The following CFAP47 variants were observed in gnomAD, a reference collection of about 807,000 sequenced individuals.
CFAP47 encodes the protein cilia and flagella associated protein 47.
Under a neutral mutation model 148.1 loss-of-function variants are expected in CFAP47, and 29 were observed. The observed-to-expected ratio is 0.20, with a 90% CI of 0.15 to 0.27. The LOEUF (loss-of-function observed/expected upper bound fraction) is 0.27, where lower values mean the gene tolerates loss of function less well. CFAP47 is among the 10% of genes least tolerant of loss of function. The pLI, the probability that CFAP47 is intolerant of heterozygous loss-of-function variation, is 1.00. For missense variants in CFAP47, 1,872 were observed against 1,697.5 expected (o/e 1.10, Z -1.81); for synonymous variants, 664 against 577.3 (o/e 1.15, Z -2.15).
At chrX:35,976,139 G>A (rs1273698315) in intron 15 of CFAP47, among the ~76,000 whole-genome samples, 1 of 110,475 alleles carries the variant, frequency 9.1e-6, no homozygotes, top group Non-Finnish European at 1.9e-5. Context: ...GAGAGAGAGA[G>A]ACAGAGAGAG....
intron 20 of CFAP47, among the ~76,000 whole-genome samples, chrX:36,001,157 C>A (rs67441190): frequency 0.25 from 27,968 of 110,657 alleles, 4,830 homozygotes; most frequent in African/African-American, 0.61. Flanking sequence ...TGAGTCCATA[C>A]AAATAAGTAA....
chrX:36,041,690 G>A (rs982872420), intron 25 of CFAP47, among the ~76,000 whole-genome samples: 4 of 110,635 alleles, frequency 3.6e-5, no homozygotes, highest in African/African-American at 9.9e-5. Flanking sequence ...TTGGGAGGCC[G>A]AGGCGGGCGG....
intron 33 of CFAP47, among the ~76,000 whole-genome samples, chrX:36,122,272 G>A (rs1241489210): frequency 1.8e-5 from 2 of 110,788 alleles, no homozygotes; most frequent in African/African-American, 6.6e-5. Flanking sequence ...AAATTGCTGG[G>A]GGTAGTCTTC....
chrX:35,966,717 A>G lies in CFAP47; in HGVS notation c.1563A>G (p.Lys521=), dbSNP rs767895858. The change falls in exon 9 of 64, where the codon AAA becomes AAG. Residue 521 remains lysine, a synonymous_variant. Coordinates refer to ENST00000378653, the MANE Select transcript of CFAP47 (RefSeq NM_001304548.2). Reference sequence around the variant, plus strand: ...ATTTAGCTTTCAACAGCATCTGTAAAGCTTCCACCAAGAAAGTTGTGATGA... The same window carrying G: ...ATTTAGCTTTCAACAGCATCTGTAAGGCTTCCACCAAGAAAGTTGTGATGA... ...HVYLAFNSIC[K]ASTKKVVMKF... The G allele has an allele frequency of 1.5e-5, 17 of 1,153,580 alleles. No homozygotes were observed. The highest frequency in any genetic ancestry group is 1.6e-5 in the Non-Finnish European group (14 of 864,812).
Position 36,019,795 on chromosome X carries a change from C to A in CFAP47, c.3556+4883C>A, listed in dbSNP as rs377363599. Among the ~76,000 whole-genome samples, 11 of 111,570 alleles carry A rather than the reference C, an allele frequency of 9.9e-5. No individual in the cohort carries two copies. The South Asian group carries it at 4.1e-3, about 42-fold the overall frequency. ...AGTTGTAATAAGCCTTTTTAAAAATCTCTGATTTTATTTATTTGGATCTTC... is the reference window on the plus strand; with the variant it reads ...AGTTGTAATAAGCCTTTTTAAAAATATCTGATTTTATTTATTTGGATCTTC... On this transcript the variant is annotated intron_variant, in intron 22 of 63. Transcript: ENST00000378653.
intron 51 of CFAP47, among the ~76,000 whole-genome samples, chrX:36,297,976 C>T (rs782635532): frequency 1.8e-5 from 2 of 109,617 alleles, no homozygotes; most frequent in East Asian, 5.9e-4. Flanking sequence ...GTAAACTAGT[C>T]CAACCATTGT....
At chrX:36,100,755 C>T (rs1938361987) in intron 32 of CFAP47, among the ~76,000 whole-genome samples, 1 of 111,902 alleles carries the variant, frequency 8.9e-6, no homozygotes, top group Admixed American at 9.5e-5. Flanking sequence ...AAGACTCTGT[C>T]AGTAAATTTT....
rs1391083685 is a variant in CFAP47 at position 36,113,622 on chromosome X, G to A, written c.5320+8931G>A. On this transcript the variant is annotated intron_variant, in intron 33 of 63. Coordinates refer to ENST00000378653, the MANE Select transcript of CFAP47 (RefSeq NM_001304548.2). ...GAAGTTCTCTGCCTTCCCTAAATTTGAATGTTGGCCTCTCTAGCTAGGTTG... is the reference window on the plus strand; with the variant it reads ...GAAGTTCTCTGCCTTCCCTAAATTTAAATGTTGGCCTCTCTAGCTAGGTTG... Among the ~76,000 whole-genome samples, 6 of 111,092 alleles carry A rather than the reference G, an allele frequency of 5.4e-5. No homozygotes were observed. In the Admixed American group the frequency reaches 5.7e-4, roughly 11 times the overall value.
intron 57 of CFAP47, among the ~76,000 whole-genome samples, chrX:36,341,180 C>T (rs1272070948): frequency 1.9e-5 from 2 of 106,535 alleles, no homozygotes; most frequent in Non-Finnish European, 3.9e-5. Context: ...GGACTACAGG[C>T]GTGCACCACC....
chrX:36,324,961 T>C (rs184217063), intron 57 of CFAP47, among the ~76,000 whole-genome samples: 18 of 111,696 alleles, frequency 1.6e-4, no homozygotes, highest in African/African-American at 5.8e-4. Context: ...TGTTGATATC[T>C]ATATCTACAG....
At chrX:36,077,383 G>T (rs1937885299) in intron 29 of CFAP47, among the ~76,000 whole-genome samples, 1 of 106,856 alleles carries the variant, frequency 9.4e-6, no homozygotes, top group African/African-American at 3.4e-5. Flanking sequence ...TAACTATATT[G>T]ATTCTTCCAA....
At chrX:36,223,197 G>A (rs1940231720) in intron 45 of CFAP47, among the ~76,000 whole-genome samples, 1 of 110,792 alleles carries the variant, frequency 9.0e-6, no homozygotes, top group South Asian at 3.8e-4. Context: ...ACAGAACCGT[G>A]AGCAAATTAA....
chrX:36,286,186 T>C (rs1556004523), intron 51 of CFAP47, among the ~76,000 whole-genome samples: 1 of 111,523 alleles, frequency 9.0e-6, no homozygotes, highest in Non-Finnish European at 1.9e-5. Context: ...ACTAAAATGT[T>C]ACTAAATTTG....
intron 40 of CFAP47, among the ~76,000 whole-genome samples, chrX:36,183,640 T>A (rs1442514682): frequency 2.7e-5 from 3 of 112,214 alleles, no homozygotes; most frequent in Non-Finnish European, 5.6e-5. Flanking sequence ...TGAGCTGCTC[T>A]TTGTAAGCAA....
intron 55 of CFAP47, 131 bp from the exon 56 acceptor site, chrX:36,310,701 TA>T (rs1941386680): frequency 8.6e-6 from 3 of 347,486 alleles, no homozygotes; most frequent in Non-Finnish European, 1.5e-5. Flanking sequence ...AAAGGAAAAA[TA>T]AAACAATGCT....
At chrX:35,999,306 G>A (rs187989177) in intron 19 of CFAP47, among the ~76,000 whole-genome samples, 49 of 111,801 alleles carry the variant, frequency 4.4e-4, no homozygotes, top group African/African-American at 1.6e-3. Context: ...CTGTTGTCTC[G>A]ATCTCCTTTA....
At chrX:35,979,929 G>A (rs1936619973) in intron 15 of CFAP47, among the ~76,000 whole-genome samples, 1 of 112,264 alleles carries the variant, frequency 8.9e-6, no homozygotes, top group Non-Finnish European at 1.9e-5. Context: ...CACAGTATCA[G>A]ATGGTTGGTC....
intron 46 of CFAP47, among the ~76,000 whole-genome samples, chrX:36,230,077 G>C (rs1940324709): frequency 9.2e-6 from 1 of 108,486 alleles, no homozygotes; most frequent in Non-Finnish European, 1.9e-5. Flanking sequence ...ACATACGTGT[G>C]CATGTGTCTT....
intron 22 of CFAP47, among the ~76,000 whole-genome samples, chrX:36,028,324 T>A (rs2146716492): frequency 9.0e-6 from 1 of 111,328 alleles, no homozygotes; most frequent in Admixed American, 9.6e-5. Flanking sequence ...TTAATTAATT[T>A]TTGTATATGG....
Sources: gnomAD v4.1 joint callset for allele counts (sites outside exome capture counted in the v4.1 genomes callset) on GRCh38, gnomAD v4.1.1 for gene constraint, MANE v1.5 for transcripts, NCBI Gene and HGNC (gene_info 2026-07-23, HGNC 2026-07-21) for gene names.